Variants in FAM3D observed in about 807,000 individuals in gnomAD.
FAM3D encodes the protein protein FAM3D.
A neutral mutation model predicts 29.8 loss-of-function variants in FAM3D; 26 were observed. The ratio of observed to expected loss-of-function variants is 0.87; its 90% CI spans 0.64 to 1.21. The LOEUF is 1.21. FAM3D is among the 50% of genes most tolerant of loss of function. The pLI, the probability that FAM3D is intolerant of heterozygous loss-of-function variation, is 0.00. For missense variants in FAM3D, 253 were observed against 290.9 expected, an observed-to-expected ratio of 0.87 and a Z score of 0.95; for synonymous variants, 115 against 102.3, an observed-to-expected ratio of 1.12 and a Z score of -0.75.
chr3:58,651,993 A>G (rs949965488), intron 3 of FAM3D, among the ~76,000 whole-genome samples: 11 of 152,200 alleles, frequency 7.2e-5, no homozygotes, highest in Non-Finnish European at 1.6e-4. Flanking sequence ...TGACTGGTTT[A>G]CTTGCTGCCT....
In FAM3D at chr3:58,648,141, T is replaced by A. The variant is rs564348841; in HGVS notation, c.145+1174A>T. Among the ~76,000 whole-genome samples, 242 of 152,320 alleles carry A rather than the reference T, an allele frequency of 1.6e-3. 1 individual carries two copies. Among genetic ancestry groups the A allele is most frequent in the Non-Finnish European group, 2.7e-3 (184 of 68,022 alleles). ...TTTGCTATCCCCCCAGCAGGTGATGTCTAAGTGTTTGATAGCAACAAGATG... is the reference window on the plus strand; with the variant it reads ...TTTGCTATCCCCCCAGCAGGTGATGACTAAGTGTTTGATAGCAACAAGATG... On this transcript the variant is annotated intron_variant, in intron 4 of 9. Transcript: ENST00000358781.
chr3:58,651,522 G>C (rs1219179436), intron 3 of FAM3D, among the ~76,000 whole-genome samples: 2 of 152,142 alleles, frequency 1.3e-5, no homozygotes, highest in Non-Finnish European at 2.9e-5. Context: ...CTCTGACTCA[G>C]ACCATGAGCA....
intron 8 of FAM3D, 98 bp from the exon 9 acceptor site, chr3:58,636,518 C>T (rs1299660578): frequency 7.2e-6 from 11 of 1,523,940 alleles, no homozygotes; most frequent in Non-Finnish European, 9.7e-6. Flanking sequence ...CTCTTCTCCC[C>T]ATTCAGCATC....
intron 4 of FAM3D, among the ~76,000 whole-genome samples, chr3:58,648,614 A>G (rs1029675268): frequency 5.9e-5 from 9 of 152,230 alleles, no homozygotes; most frequent in African/African-American, 2.2e-4. Flanking sequence ...TTCTGAATCC[A>G]GTGCCTGGCA....
chr3:58,644,008 G>T (rs998943573), intron 5 of FAM3D, among the ~76,000 whole-genome samples: 1 of 152,212 alleles, frequency 6.6e-6, no homozygotes, highest in Non-Finnish European at 1.5e-5. Flanking sequence ...CCCCCAGGCC[G>T]TGAGGCCTGG....
At chr3:58,656,686 T>C (rs779111160) in intron 1 of FAM3D, among the ~76,000 whole-genome samples, 2 of 152,294 alleles carry the variant, frequency 1.3e-5, no homozygotes, top group Middle Eastern at 3.4e-3. Context: ...CAACTCTTCC[T>C]GTCCCCTGCC....
At chr3:58,646,119 G>T (rs1045565637) in intron 4 of FAM3D, among the ~76,000 whole-genome samples, 1 of 152,208 alleles carries the variant, frequency 6.6e-6, no homozygotes, top group East Asian at 1.9e-4. Flanking sequence ...GGTATCTGTG[G>T]TGCCTCCCCC....
intron 4 of FAM3D, 105 bp from the exon 5 acceptor site, chr3:58,645,731 G>T (rs2066460035): frequency 3.2e-6 from 3 of 945,550 alleles, no homozygotes; most frequent in Non-Finnish European, 5.1e-6. Flanking sequence ...TTGGGATGAA[G>T]CTCAGAGCCT....
chr3:58,644,967 G>A (rs999371848), intron 5 of FAM3D, among the ~76,000 whole-genome samples: 1 of 152,170 alleles, frequency 6.6e-6, no homozygotes, highest in African/African-American at 2.4e-5. Flanking sequence ...CAGAATCCTG[G>A]TTTAAACACC....
Position 58,643,686 on chromosome 3 carries a change from C to G in FAM3D, c.298G>C (p.Gly100Arg), listed in dbSNP as rs2066397905. The G allele has an allele frequency of 6.2e-7, 1 of 1,613,844 alleles. No individual in the cohort carries two copies. Among genetic ancestry groups the G allele is most frequent in the East Asian group, 2.2e-5 (1 of 44,886 alleles). The change falls in exon 6 of 10, where the codon GGC (glycine) becomes CGC (arginine). Residue 100 changes from glycine to arginine, a missense_variant. Coordinates refer to ENST00000358781, the MANE Select transcript of FAM3D (RefSeq NM_138805.3). ...CCATTCACCAGGGCGATGTTTAGGCCTCTGCCCACATTGTTTTTCACAGGA... is the reference window on the plus strand; with the variant it reads ...CCATTCACCAGGGCGATGTTTAGGCGTCTGCCCACATTGTTTTTCACAGGA... ...MSPVKNNVGR[G>R]LNIALVNGTT...
At chr3:58,661,663 G>A (rs1328803661) in intron 1 of FAM3D, among the ~76,000 whole-genome samples, 1 of 152,156 alleles carries the variant, frequency 6.6e-6, no homozygotes, top group Non-Finnish European at 1.5e-5. Context: ...TCCTGTCATG[G>A]GAGCGTGGAC....
rs1334923601 is a variant in FAM3D at position 58,634,147 on chromosome 3, C to T, written c.*132G>A. 4 of 731,004 alleles carry T rather than the reference C, an allele frequency of 5.5e-6. No individual in the cohort carries two copies. Among genetic ancestry groups the T allele is most frequent in the Non-Finnish European group, 9.1e-6 (4 of 441,904 alleles). The allele number at this position is 731,004 out of a possible 1,614,324, so 45.3% of individuals were successfully genotyped here. A position where few individuals can be genotyped will look rare whatever the true frequency, so the allele number is the denominator to read the frequency against. On this transcript the variant is annotated 3_prime_UTR_variant, in exon 10 of 10. Coordinates refer to ENST00000358781, the MANE Select transcript of FAM3D (RefSeq NM_138805.3). The surrounding 1 kb of genome is among the most constrained non-coding windows in gnomAD (Gnocchi z 4.6). ...GTTTCCGAGGAGGAGAGGCGCGACA[C>T]AGCGTGCAAGGACCTGCAGCACCTT...
chr3:58,642,145 C>T (rs1385476154), intron 6 of FAM3D, among the ~76,000 whole-genome samples: 1 of 152,124 alleles, frequency 6.6e-6, no homozygotes, highest in Non-Finnish European at 1.5e-5. Context: ...CTGGGCCCTC[C>T]TCAAAGCTGC....
intron 3 of FAM3D, 52 bp downstream of exon 3, chr3:58,653,622 G>T: frequency 9.2e-6 from 14 of 1,524,956 alleles, no homozygotes; most frequent in South Asian, 6.7e-5. Flanking sequence ...ATATGTCTTC[G>T]GCCCCCAGGC....
intron 3 of FAM3D, among the ~76,000 whole-genome samples, chr3:58,652,862 G>GTCCATCCATCTGTCCATCCA (rs2066681551): frequency 2.1e-5 from 3 of 145,816 alleles, no homozygotes; most frequent in Non-Finnish European, 1.5e-5. Flanking sequence ...CCATCCATCT[G>GTCCATCCATCTGTCCATCCA]TCCATCCATC....
At chr3:58,665,509 G>A in intron 1 of FAM3D, among the ~76,000 whole-genome samples, 1 of 152,050 alleles carries the variant, frequency 6.6e-6, no homozygotes, top group East Asian at 1.9e-4. Flanking sequence ...TCCCTTTCTG[G>A]TTAGAACCAT....
chr3:58,664,923 G>GTTACTT (rs1344600842), intron 1 of FAM3D, among the ~76,000 whole-genome samples: 1 of 152,246 alleles, frequency 6.6e-6, no homozygotes, highest in Non-Finnish European at 1.5e-5. Context: ...AGGACTGCCA[G>GTTACTT]TAGTAGACAG....
chr3:58,653,794 G>C lies in FAM3D; in HGVS notation c.14-13C>G. On this transcript the variant is annotated splice_polypyrimidine_tract_variant and intron_variant, in intron 2 of 9. Transcript: ENST00000358781. ...AGGCGAAGCACACCTGCTGAGCAAG[G>C]GGATGCTGCCAGGAGACCACAGAGC... 6.2e-7 allele frequency: 1 copy of C among 1,608,824 alleles called. No individual in the cohort carries two copies. Among genetic ancestry groups the C allele is most frequent in the Non-Finnish European group, 8.5e-7 (1 of 1,176,502 alleles).
chr3:58,654,109 A>G (rs2106897648), intron 2 of FAM3D, among the ~76,000 whole-genome samples: 1 of 152,306 alleles, frequency 6.6e-6, no homozygotes, highest in South Asian at 2.1e-4. Context: ...ACCTTTCTGT[A>G]GCCCCTTAAG....
Sources: gnomAD v4.1 joint callset for allele counts (sites outside exome capture counted in the v4.1 genomes callset) on GRCh38, gnomAD v4.1.1 for gene constraint, Gnocchi (gnomAD v3.1) non-coding constraint, MANE v1.5 for transcripts, NCBI Gene and HGNC (gene_info 2026-07-23, HGNC 2026-07-21) for gene names.